Variants in MGAT5 observed in about 807,000 individuals in gnomAD.
MGAT5 encodes the protein alpha-1,6-mannosylglycoprotein 6-beta-N-acetylglucosaminyltransferase A.
A neutral mutation model predicts 94.3 loss-of-function variants in MGAT5; 30 were observed. The ratio of observed to expected loss-of-function variants is 0.32; its 90% confidence interval spans 0.24 to 0.43. MGAT5 has a LOEUF of 0.43. MGAT5 is among the 20% of genes least tolerant of loss of function. MGAT5 has a pLI of 1.00. For synonymous variants in MGAT5, 310 were observed against 322.9 expected (o/e 0.96, Z 0.43); for missense variants, 691 against 905.5 (o/e 0.76, Z 3.04).
chr2:134,390,366 T>G (rs1242703919), intron 10 of MGAT5, among the ~76,000 whole-genome samples: 7 of 152,212 alleles, frequency 4.6e-5, no homozygotes, highest in South Asian at 2.1e-4. Context: ...TTGTTTGTTT[T>G]TTTATTATAC....
At chr2:134,149,692 A>G (rs1687086195) in intron 1 of MGAT5, among the ~76,000 whole-genome samples, 1 of 152,272 alleles carries the variant, frequency 6.6e-6, no homozygotes, top group Non-Finnish European at 1.5e-5. Context: ...AGTTGGTATC[A>G]GAGCTCCTGG....
intron 1 of MGAT5, among the ~76,000 whole-genome samples, chr2:134,136,912 A>G (rs1686435396): frequency 6.6e-6 from 1 of 152,174 alleles, no homozygotes; most frequent in African/African-American, 2.4e-5. Flanking sequence ...ATTGAGCTCT[A>G]TTCTTGGCTC....
In MGAT5 at chr2:134,449,047, G is replaced by T; in HGVS notation, c.*200G>T. On this transcript the variant is annotated 3_prime_UTR_variant, in exon 16 of 16. Transcript: ENST00000281923. ...TCACCAAAACAAAACAAGAGCGTAT[G>T]TCAGGCCAGGAGCCTGGCTTGTCCC... 1 of 594,586 alleles carries T rather than the reference G, an allele frequency of 1.7e-6. No homozygotes were observed. 36.8% of individuals were successfully genotyped at this position (594,586 alleles called of 1,614,324 possible).
intron 1 of MGAT5, among the ~76,000 whole-genome samples, chr2:134,148,360 C>A (rs1411834066): frequency 2.6e-5 from 4 of 152,222 alleles, no homozygotes; most frequent in Admixed American, 2.6e-4. Context: ...TAATTAACTG[C>A]AGATCTCAGG....
intron 1 of MGAT5, among the ~76,000 whole-genome samples, chr2:134,208,142 C>CTT (rs202005313): frequency 1.2e-3 from 180 of 145,320 alleles, no homozygotes; most frequent in African/African-American, 4.3e-3. Context: ...CTTGGCCGAA[C>CTT]TTTTTTTTTT....
intron 1 of MGAT5, among the ~76,000 whole-genome samples, chr2:134,204,428 G>C (rs1278228431): frequency 1.3e-5 from 2 of 152,146 alleles, no homozygotes; most frequent in African/African-American, 4.8e-5. Context: ...AAGAAAACTT[G>C]GTAGTTAGCA....
chr2:134,371,955 A>AC lies in MGAT5; in HGVS notation c.1380+9547_1380+9548insC, dbSNP rs201619556. 2.5e-3 allele frequency among the ~76,000 whole-genome samples: 377 copies of AC among 151,948 alleles called. 7 individuals are homozygous for AC. Among genetic ancestry groups the AC allele is most frequent in the East Asian group, 0.023 (119 of 5,172 alleles). ...TGTTTTGTTTTGTTTAAAAAAAAAA[A>AC]AAAAAACCTTGCCTGATCTTAAGTG... On this transcript the variant is annotated intron_variant, in intron 10 of 15. Coordinates refer to ENST00000281923, the MANE Select transcript of MGAT5 (RefSeq NM_002410.5).
chr2:134,317,117 A>C (rs1281588145), intron 2 of MGAT5, among the ~76,000 whole-genome samples: 2 of 152,080 alleles, frequency 1.3e-5, no homozygotes, highest in Non-Finnish European at 2.9e-5. Context: ...TGTCTTCACG[A>C]GGTCTGTTCA....
intron 2 of MGAT5, among the ~76,000 whole-genome samples, chr2:134,314,559 G>A (rs948396201): frequency 1.3e-5 from 2 of 152,186 alleles, no homozygotes; most frequent in Admixed American, 1.3e-4. Flanking sequence ...TGCCATAAAG[G>A]AATAACGTGA....
rs538869675 is a variant in MGAT5 at position 134,427,804 on chromosome 2, G to A, written c.1795-561G>A. On this transcript the variant is annotated intron_variant, in intron 13 of 15. Coordinates refer to ENST00000281923, the MANE Select transcript of MGAT5 (RefSeq NM_002410.5). Reference sequence around the variant, plus strand: ...CACTTTATAACTTTATTTTTACACCGTGAGTTCTTCGGATATAGGCTAACC... The same window carrying A: ...CACTTTATAACTTTATTTTTACACCATGAGTTCTTCGGATATAGGCTAACC... 2.2e-4 allele frequency among the ~76,000 whole-genome samples: 34 copies of A among 152,274 alleles called. No individual in the cohort carries two copies. The East Asian group carries it at 3.1e-3, about 14-fold the overall frequency.
intron 4 of MGAT5, among the ~76,000 whole-genome samples, chr2:134,334,974 T>G (rs1464309828): frequency 1.3e-5 from 2 of 152,280 alleles, no homozygotes; most frequent in East Asian, 3.9e-4. Context: ...ATTTCACTTT[T>G]CCTATTCAGA....
intron 11 of MGAT5, among the ~76,000 whole-genome samples, chr2:134,412,029 A>T (rs1466500696): frequency 6.6e-6 from 1 of 152,180 alleles, no homozygotes; most frequent in African/African-American, 2.4e-5. Context: ...AAGTACACCC[A>T]CTGTGATGGT....
At chr2:134,250,050 G>A (rs1682504203), upstream of MGAT5, among the ~76,000 whole-genome samples, 2 of 151,972 alleles carry the variant, frequency 1.3e-5, no homozygotes, top group Admixed American at 6.6e-5. Flanking sequence ...TTTCTTTCAG[G>A]AGAATTGACA....
chr2:134,436,381 C>T (rs1685162798), intron 14 of MGAT5, among the ~76,000 whole-genome samples: 1 of 152,064 alleles, frequency 6.6e-6, no homozygotes, highest in African/African-American at 2.4e-5. Context: ...TTCTGTTGAC[C>T]CCCAAAACAG....
chr2:134,440,400 TC>T (rs1685418618), intron 14 of MGAT5, among the ~76,000 whole-genome samples: 1 of 143,964 alleles, frequency 6.9e-6, no homozygotes, highest in Non-Finnish European at 1.5e-5. Flanking sequence ...TCATGGGTTT[TC>T]TCCAGGGTCT....
chr2:134,189,571 A>G (rs1482485603), intron 1 of MGAT5, among the ~76,000 whole-genome samples: 2 of 131,328 alleles, frequency 1.5e-5, no homozygotes, highest in African/African-American at 3.0e-5. Context: ...GCAATAACAT[A>G]TGACTAACCT....
chr2:134,309,193 G>T (rs755104498), intron 2 of MGAT5, among the ~76,000 whole-genome samples: 1 of 152,138 alleles, frequency 6.6e-6, no homozygotes, highest in Non-Finnish European at 1.5e-5. Context: ...TCCATTTTAT[G>T]GATATACCAT....
chr2:134,443,366 AT>A (rs1453710255), intron 15 of MGAT5, among the ~76,000 whole-genome samples: 1 of 152,042 alleles, frequency 6.6e-6, no homozygotes, highest in Non-Finnish European at 1.5e-5. Flanking sequence ...TAACTTTTGT[AT>A]TTTTAGTAGA....
chr2:134,290,875 G>C (rs540856386), intron 2 of MGAT5, among the ~76,000 whole-genome samples: 1 of 152,334 alleles, frequency 6.6e-6, no homozygotes, highest in East Asian at 1.9e-4. Flanking sequence ...GAATCCACTT[G>C]ATCAGATTGG....
Sources: allele counts gnomAD v4.1 joint callset (sites outside exome capture counted in the v4.1 genomes callset), GRCh38; gene constraint gnomAD v4.1.1; transcripts MANE v1.5; gene names NCBI Gene and HGNC (gene_info 2026-07-23, HGNC 2026-07-21).